Variants in BAZ1B observed in about 807,000 individuals in gnomAD.
The protein encoded by BAZ1B is tyrosine-protein kinase BAZ1B.
Under a neutral mutation model 153.8 loss-of-function variants are expected in BAZ1B, and 22 were observed. The ratio of observed to expected loss-of-function variants is 0.14; its 90% CI spans 0.10 to 0.20. BAZ1B has a LOEUF of 0.20. BAZ1B is among the 10% of genes least tolerant of loss of function. The probability of loss-of-function intolerance (pLI) is 1.00; values close to 1 mark genes in which losing one functional copy is unlikely to be tolerated. For synonymous variants in BAZ1B, 676 were observed against 633.4 expected (o/e 1.07, Z -1.01); for missense variants, 1,325 against 1,799.3 (o/e 0.74, Z 4.77).
chr7:73,465,325 C>T lies in BAZ1B; in HGVS notation c.3071+114G>A, dbSNP rs1788540560. The T allele has an allele frequency of 4.6e-6, 3 of 657,798 alleles. No individual in the cohort carries two copies. The East Asian group carries it at 8.8e-5, about 19-fold the overall frequency. The allele number at this position is 657,798 out of a possible 1,614,324, so 40.7% of individuals were successfully genotyped here. On this transcript the variant is annotated intron_variant, in intron 11 of 19. Coordinates refer to ENST00000339594, the MANE Select transcript of BAZ1B (RefSeq NM_032408.4). ...GCAATATGAACACAAAACGGTTACA[C>T]ATTTAAAATATTTTACTTTAGTAAC...
chr7:73,493,472 G>C (rs1554575852), intron 4 of BAZ1B, among the ~76,000 whole-genome samples: 3 of 151,672 alleles, frequency 2.0e-5, no homozygotes, highest in Non-Finnish European at 2.9e-5. Context: ...AAAAAGAAAA[G>C]AAAAGAAAAA....
At position 73,466,276 on chromosome 7, in the gene BAZ1B, C is replaced by T; in HGVS notation, c.2972+20G>A. On this transcript the variant is annotated intron_variant, in intron 10 of 19. Coordinates refer to ENST00000339594, the MANE Select transcript of BAZ1B (RefSeq NM_032408.4). ...ATTAAAAGGAAAAAGAAAGAGCAACCAGATGAATGCTCACATTACCATAGG... is the reference window on the plus strand; with the variant it reads ...ATTAAAAGGAAAAAGAAAGAGCAACTAGATGAATGCTCACATTACCATAGG... 1 of 1,537,048 alleles carries T rather than the reference C, an allele frequency of 6.5e-7. No individual in the cohort carries two copies. The highest frequency in any genetic ancestry group is 1.1e-5 in the South Asian group (1 of 87,952).
At chr7:73,481,817 C>G (rs1208976000) in intron 6 of BAZ1B, among the ~76,000 whole-genome samples, 1 of 152,074 alleles carries the variant, frequency 6.6e-6, no homozygotes, top group Non-Finnish European at 1.5e-5. Flanking sequence ...GCGGGCAGAT[C>G]ACGAGGTCAA....
At chr7:73,500,452 G>A (rs149656516) in intron 3 of BAZ1B, among the ~76,000 whole-genome samples, 1,909 of 152,188 alleles carry the variant, frequency 0.013, 43 homozygotes, top group African/African-American at 0.044. Flanking sequence ...CTGAGGTAAG[G>A]GGATCACTTG....
chr7:73,512,585 T>C (rs527998944), intron 1 of BAZ1B, among the ~76,000 whole-genome samples: 1 of 152,280 alleles, frequency 6.6e-6, no homozygotes, highest in South Asian at 2.1e-4. Flanking sequence ...GTAGTGTAAA[T>C]ATGGCAACTT....
Position 73,480,857 on chromosome 7 carries a change from A to T in BAZ1B, c.892-2288T>A, listed in dbSNP as rs905418031. On this transcript the variant is annotated intron_variant, in intron 6 of 19. Coordinates refer to ENST00000339594, the MANE Select transcript of BAZ1B (RefSeq NM_032408.4). ...CCAGGGATCACACAGTAAAACACCT[A>T]TGCTCTTGTTAGGAGAAAAGCAAAT... 3.3e-5 allele frequency among the ~76,000 whole-genome samples: 5 copies of T among 152,232 alleles called. No individual in the cohort carries two copies. The South Asian group carries it at 1.0e-3, about 32-fold the overall frequency.
intron 1 of BAZ1B, among the ~76,000 whole-genome samples, chr7:73,514,482 G>A (rs1790711447): frequency 1.3e-5 from 2 of 149,884 alleles, no homozygotes. Context: ...GCAGTGAGCT[G>A]AGATCATGCC....
chr7:73,511,272 T>TAAAAAAAATA (rs1790567127), intron 1 of BAZ1B, among the ~76,000 whole-genome samples: 1 of 148,484 alleles, frequency 6.7e-6, no homozygotes, highest in South Asian at 2.1e-4. Flanking sequence ...TCTCAAAAAC[T>TAAAAAAAATA]AAAAAAAATA....
At chr7:73,520,376 T>C (rs2115638961) in intron 1 of BAZ1B, among the ~76,000 whole-genome samples, 1 of 152,248 alleles carries the variant, frequency 6.6e-6, no homozygotes, top group African/African-American at 2.4e-5. Context: ...GACAAAAAAG[T>C]GAGGTAATAT....
chr7:73,461,944 T>A (rs1788410397), intron 12 of BAZ1B, among the ~76,000 whole-genome samples: 1 of 152,222 alleles, frequency 6.6e-6, no homozygotes, highest in Admixed American at 6.5e-5. Context: ...TCCATGTGTT[T>A]GTGTGTCAAA....
Position 73,442,344 on chromosome 7 carries a change from C to T in BAZ1B, c.4304G>A (p.Cys1435Tyr), listed in dbSNP as rs782209852. The T allele has an allele frequency of 1.2e-6, 2 of 1,614,226 alleles. No individual in the cohort carries two copies. The highest frequency in any genetic ancestry group is 1.7e-5 in the Admixed American group (1 of 60,018). ...VLSCMVKTEQ[C>Y]LVALLHKHLP... ...GTGTTTATGCAACAGAGCCACTAGACACTGTTCTGTCTTCACCATGCAGCT... is the reference window on the plus strand; with the variant it reads ...GTGTTTATGCAACAGAGCCACTAGATACTGTTCTGTCTTCACCATGCAGCT... The change falls in exon 19 of 20, where the codon TGT becomes TAT. Residue 1435 changes from cysteine to tyrosine, a missense_variant. This residue lies in a region of BAZ1B where 271 missense variants were observed against 337.2 expected (regional missense o/e 0.80). Coordinates refer to ENST00000339594, the MANE Select transcript of BAZ1B (RefSeq NM_032408.4).
At chr7:73,511,605 C>G (rs1313768707) in intron 1 of BAZ1B, among the ~76,000 whole-genome samples, 1 of 152,032 alleles carries the variant, frequency 6.6e-6, no homozygotes, top group Admixed American at 6.6e-5. Context: ...AGTTTCATTA[C>G]ACAAGACTTA....
chr7:73,447,193 A>G, intron 16 of BAZ1B, 71 bp downstream of exon 16: 2 of 1,611,580 alleles, frequency 1.2e-6, no homozygotes, highest in Admixed American at 3.3e-5. Context: ...CCTACTGCCA[A>G]GCCAGCCTTT....
Position 73,476,896 on chromosome 7 carries a change from T to C in BAZ1B, c.2565A>G (p.Glu855=), listed in dbSNP as rs782047610. 2 of 1,599,124 alleles carry C rather than the reference T, an allele frequency of 1.3e-6. No homozygotes were observed. The highest frequency in any genetic ancestry group is 2.2e-5 in the East Asian group (1 of 44,794). Reference sequence around the variant, plus strand: ...TCATTTCTCTTTCCTGGATTTCCCGTTCCTTCTTAGCTTGAATGGCAAGCA... The same window carrying C: ...TCATTTCTCTTTCCTGGATTTCCCGCTCCTTCTTAGCTTGAATGGCAAGCA... ...RRLLAIQAKK[E]REIQEREMKV... Residue 855 remains glutamate, a synonymous_variant, in exon 7 of 20, where the codon GAA becomes GAG. Transcript: ENST00000339594.
intron 13 of BAZ1B, among the ~76,000 whole-genome samples, chr7:73,456,013 G>C (rs994139153): frequency 6.6e-6 from 1 of 152,108 alleles, no homozygotes; most frequent in Non-Finnish European, 1.5e-5. Flanking sequence ...TAGGGTGGGA[G>C]TTATATATTT....
chr7:73,496,622 A>G (rs1387141800), intron 4 of BAZ1B, among the ~76,000 whole-genome samples: 4 of 152,190 alleles, frequency 2.6e-5, no homozygotes, highest in African/African-American at 9.7e-5. Context: ...AAGGCCTCAG[A>G]GGCTGAACGG....
chr7:73,517,781 C>T (rs1790871102), intron 1 of BAZ1B, among the ~76,000 whole-genome samples: 1 of 152,212 alleles, frequency 6.6e-6, no homozygotes, highest in South Asian at 2.1e-4. Context: ...GAATCCTAGA[C>T]TATCTCATTA....
rs371661959 is a variant in BAZ1B, at chr7:73,489,385, T to C, written c.700A>G (p.Ser234Gly). Residue 234 changes from serine (S) to glycine (G), a missense_variant, in exon 6 of 20, where the codon AGT (serine) becomes GGT (glycine). Physicochemically the swap from Ser to Gly is moderately conservative, Grantham distance 56. Coordinates refer to ENST00000339594, the MANE Select transcript of BAZ1B (RefSeq NM_032408.4). ...ATCAAGCTGTCTGCTGGCACGTTAC[T>C]GATGATCTAGGTTAAAAAGAAACAA... ...VKLQNEDKII[S>G]NVPADSLIRT... 1 of 1,614,174 alleles carries C rather than the reference T, an allele frequency of 6.2e-7. No homozygotes were observed.
At chr7:73,446,980 A>G (rs1554566832) in intron 16 of BAZ1B, among the ~76,000 whole-genome samples, 1 of 152,268 alleles carries the variant, frequency 6.6e-6, no homozygotes, top group Non-Finnish European at 1.5e-5. Flanking sequence ...GAGAATCAGC[A>G]GCCTTGGCAT....
Sources: gnomAD v4.1 joint callset for allele counts (sites outside exome capture counted in the v4.1 genomes callset) on GRCh38, gnomAD v4.1.1 for gene constraint, gnomAD v4.1.1 regional missense constraint, MANE v1.5 for transcripts, NCBI Gene and HGNC (gene_info 2026-07-23, HGNC 2026-07-21) for gene names.